Variants in CHCHD6 observed in about 807,000 individuals in gnomAD.
CHCHD6 encodes the protein MICOS complex subunit MIC25.
A neutral mutation model predicts 32.3 loss-of-function variants in CHCHD6; 28 were observed. The observed-to-expected ratio is 0.87, with a 90% CI of 0.64 to 1.19. The LOEUF (loss-of-function observed/expected upper bound fraction) is 1.19, where lower values mean the gene tolerates loss of function less well. Ranked by LOEUF, CHCHD6 falls within the 50% of genes most tolerant of loss-of-function variation. The probability of loss-of-function intolerance (pLI) is 0.00; values close to 1 mark genes in which losing one functional copy is unlikely to be tolerated. For missense variants in CHCHD6, 333 were observed against 307.0 expected (o/e 1.08, Z -0.63); for synonymous variants, 122 against 117.5 (o/e 1.04, Z -0.25).
At chr3:126,841,046 C>A (rs897478610) in intron 4 of CHCHD6, among the ~76,000 whole-genome samples, 4 of 151,542 alleles carry the variant, frequency 2.6e-5, no homozygotes, top group African/African-American at 9.7e-5. Flanking sequence ...CCTCCCCACT[C>A]CCCTCACCCC....
intron 5 of CHCHD6, among the ~76,000 whole-genome samples, chr3:126,884,682 T>A (rs1277013315): frequency 6.6e-6 from 1 of 152,208 alleles, no homozygotes; most frequent in African/African-American, 2.4e-5. Context: ...AAATTTGATC[T>A]AGCAGTTTTT....
At chr3:126,922,915 G>C (rs565637703) in intron 6 of CHCHD6, among the ~76,000 whole-genome samples, 2 of 152,328 alleles carry the variant, frequency 1.3e-5, no homozygotes, top group Admixed American at 1.3e-4. Flanking sequence ...AAGACGCCGG[G>C]TGGCAGTTTT....
intron 6 of CHCHD6, 107 bp from the exon 7 acceptor site, chr3:126,957,307 CAG>C: frequency 7.9e-7 from 1 of 1,271,840 alleles, no homozygotes; most frequent in Admixed American, 2.0e-5. Context: ...TGCTGGGTGT[CAG>C]GGACTTAGCC....
In CHCHD6 at chr3:126,704,332, G is replaced by C. The variant is rs545968757; in HGVS notation, c.20G>C (p.Ser7Thr). MGSTESSEGRRVSFGVD... is the reference protein window; with the variant it reads MGSTESTEGRRVSFGVD... ...CTCGCCATGGGGAGCACGGAGAGCA[G>C]CGAGGGCCGCAGGGTGTCCTTCGGA... The change falls in exon 1 of 8, where the codon AGC becomes ACC. Residue 7 changes from serine (S) to threonine (T), a missense_variant. Transcript: ENST00000290913. 2 of 1,603,310 alleles carry C rather than the reference G, an allele frequency of 1.2e-6. No homozygotes were observed. The highest frequency in any genetic ancestry group is 3.4e-5 in the Admixed American group (2 of 59,132).
At chr3:126,833,257 A>C (rs1171709354) in intron 4 of CHCHD6, among the ~76,000 whole-genome samples, 1 of 152,078 alleles carries the variant, frequency 6.6e-6, no homozygotes, top group Non-Finnish European at 1.5e-5. Flanking sequence ...TTTCCTTCCG[A>C]AGTTGGGGGT....
intron 5 of CHCHD6, among the ~76,000 whole-genome samples, chr3:126,881,245 C>G (rs1435794233): frequency 6.6e-6 from 1 of 152,218 alleles, no homozygotes; most frequent in African/African-American, 2.4e-5. Flanking sequence ...ATGGGTAGAG[C>G]CTGTTTCCTT....
At chr3:126,898,314 G>T (rs1450651800) in intron 5 of CHCHD6, among the ~76,000 whole-genome samples, 1 of 152,214 alleles carries the variant, frequency 6.6e-6, no homozygotes, top group East Asian at 1.9e-4. Context: ...TCCCCAGCTG[G>T]GAAGTCATCA....
At chr3:126,897,785 G>C (rs2077862355) in intron 5 of CHCHD6, among the ~76,000 whole-genome samples, 1 of 152,262 alleles carries the variant, frequency 6.6e-6, no homozygotes, top group Non-Finnish European at 1.5e-5. Context: ...CTCCCCATTT[G>C]CTCTGCCTGG....
At position 126,960,356 on chromosome 3, in the gene CHCHD6, C is replaced by T; in HGVS notation, c.*155C>T. 3.7e-6 allele frequency: 3 copies of T among 801,806 alleles called. No individual in the cohort carries two copies. The highest frequency in any genetic ancestry group is 4.1e-6 in the Non-Finnish European group (2 of 492,738). The allele number at this position is 801,806 out of a possible 1,614,324, so 49.7% of individuals were successfully genotyped here. A position where few individuals can be genotyped will look rare whatever the true frequency, so the allele number is the denominator to read the frequency against. The stretch of plus-strand genomic sequence containing the variant: ...CCACGTGTTTAGGAAACAAAGTATG[C>T]GCTACTGTCTGAAAACAAATAAAGC... On this transcript the variant is annotated 3_prime_UTR_variant, in exon 8 of 8. Transcript: ENST00000290913.
At chr3:126,920,301 A>C (rs1287442409) in intron 6 of CHCHD6, among the ~76,000 whole-genome samples, 4 of 150,242 alleles carry the variant, frequency 2.7e-5, no homozygotes, top group African/African-American at 9.8e-5. Context: ...AGTTATTTTA[A>C]AATCATCTGA....
intron 5 of CHCHD6, among the ~76,000 whole-genome samples, chr3:126,888,693 G>A (rs766058830): frequency 7.9e-5 from 12 of 152,190 alleles, no homozygotes; most frequent in Non-Finnish European, 1.3e-4. Flanking sequence ...TAGACAGGAA[G>A]GGATGGTGGA....
intron 4 of CHCHD6, among the ~76,000 whole-genome samples, chr3:126,806,995 C>A (rs1939418810): frequency 7.5e-6 from 1 of 133,634 alleles, no homozygotes. Context: ...GGGAATTGAA[C>A]AGTGAGAACA....
At chr3:126,867,600 C>T (rs1213352697) in intron 5 of CHCHD6, among the ~76,000 whole-genome samples, 3 of 152,178 alleles carry the variant, frequency 2.0e-5, no homozygotes, top group African/African-American at 7.2e-5. Context: ...TTGATCAGCT[C>T]GTTTGACCAG....
intron 4 of CHCHD6, among the ~76,000 whole-genome samples, chr3:126,826,689 A>T (rs1223336900): frequency 6.6e-6 from 1 of 152,124 alleles, no homozygotes; most frequent in Non-Finnish European, 1.5e-5. Flanking sequence ...ATATATATAT[A>T]TCTAATAATA....
intron 4 of CHCHD6, among the ~76,000 whole-genome samples, chr3:126,775,507 A>G (rs977907853): frequency 1.3e-5 from 2 of 152,216 alleles, no homozygotes; most frequent in Non-Finnish European, 2.9e-5. Flanking sequence ...GGAGCAGAGA[A>G]TTTGATTTCA....
rs555153181 is a variant in CHCHD6, at chr3:126,720,233, C to G, written c.88-6845C>G. 1.4e-4 allele frequency among the ~76,000 whole-genome samples: 21 copies of G among 152,256 alleles called. No individual in the cohort carries two copies. In the South Asian group the frequency reaches 3.5e-3, roughly 26 times the overall value. Reference sequence around the variant, plus strand: ...GTCTTCCTGGTCACGCAGCCCTTTTCCATGGTGTGGATTAGGACATCGTCA... The same window carrying G: ...GTCTTCCTGGTCACGCAGCCCTTTTGCATGGTGTGGATTAGGACATCGTCA... On this transcript the variant is annotated intron_variant, in intron 1 of 7. Coordinates refer to ENST00000290913, the MANE Select transcript of CHCHD6 (RefSeq NM_032343.3).
intron 5 of CHCHD6, among the ~76,000 whole-genome samples, chr3:126,887,505 A>G (rs1225263196): frequency 5.9e-5 from 9 of 152,136 alleles, no homozygotes; most frequent in Admixed American, 1.3e-4. Flanking sequence ...GCTCTCATGC[A>G]GGAGGATCTG....
intron 4 of CHCHD6, among the ~76,000 whole-genome samples, chr3:126,738,248 C>T (rs1171446321): frequency 6.6e-6 from 1 of 152,202 alleles, no homozygotes; most frequent in Non-Finnish European, 1.5e-5. Flanking sequence ...ATTCAACCCA[C>T]TGTGGATCGA....
At chr3:126,741,075 G>A (rs746217576) in intron 4 of CHCHD6, among the ~76,000 whole-genome samples, 1 of 152,126 alleles carries the variant, frequency 6.6e-6, no homozygotes, top group African/African-American at 2.4e-5. Flanking sequence ...GAACATATAT[G>A]TACAGTGCCT....
Sources: gnomAD v4.1 joint callset for allele counts (sites outside exome capture counted in the v4.1 genomes callset) on GRCh38, gnomAD v4.1.1 for gene constraint, MANE v1.5 for transcripts, NCBI Gene and HGNC (gene_info 2026-07-23, HGNC 2026-07-21) for gene names.